Variants in ENPP6 observed in about 807,000 individuals in gnomAD.
ENPP6 encodes glycerophosphocholine cholinephosphodiesterase ENPP6.
Under a neutral mutation model 42.0 loss-of-function variants are expected in ENPP6, and 32 were observed. The observed-to-expected ratio is 0.76, with a 90% CI of 0.58 to 1.02. The LOEUF (loss-of-function observed/expected upper bound fraction) is 1.02, where lower values mean the gene tolerates loss of function less well. Among genes scored for constraint, ENPP6 ranks in the 50% least tolerant of loss-of-function variants. ENPP6 has a pLI of 0.00. For synonymous variants in ENPP6, 213 were observed against 216.0 expected, an observed-to-expected ratio of 0.99 and a Z score of 0.12; for missense variants, 552 against 566.8, an observed-to-expected ratio of 0.97 and a Z score of 0.27.
chr4:184,097,390 A>C, intron 6 of ENPP6, 22 bp from the exon 7 acceptor site: 1 of 1,613,502 alleles, frequency 6.2e-7, no homozygotes. Flanking sequence ...CAAGGCAGAC[A>C]CATGACACTA....
chr4:184,157,743 G>A (rs1376661264), intron 1 of ENPP6, among the ~76,000 whole-genome samples: 1 of 149,520 alleles, frequency 6.7e-6, no homozygotes, highest in African/African-American at 2.5e-5. Context: ...AAGTAGCTGG[G>A]ACCACAGGCA....
At chr4:184,189,844 T>G (rs139426883) in intron 1 of ENPP6, among the ~76,000 whole-genome samples, 2 of 151,988 alleles carry the variant, frequency 1.3e-5, no homozygotes, top group African/African-American at 2.4e-5. Flanking sequence ...CTCCAAGAGA[T>G]GGAGAGGAGC....
chr4:184,211,624 A>G (rs1394151101), intron 1 of ENPP6, among the ~76,000 whole-genome samples: 1 of 152,224 alleles, frequency 6.6e-6, no homozygotes, highest in African/African-American at 2.4e-5. Context: ...AGAGTCCAGG[A>G]CCAGACGGAT....
intron 1 of ENPP6, among the ~76,000 whole-genome samples, chr4:184,162,352 T>C (rs912227360): frequency 6.6e-6 from 1 of 152,128 alleles, no homozygotes; most frequent in Non-Finnish European, 1.5e-5. Flanking sequence ...TGTTGGATAA[T>C]GCTCTCATCA....
intron 1 of ENPP6, among the ~76,000 whole-genome samples, chr4:184,174,155 C>T (rs1376882658): frequency 6.6e-5 from 9 of 137,130 alleles, no homozygotes; most frequent in African/African-American, 8.3e-5. Flanking sequence ...TTTTTTTTTC[C>T]GAGACGGAAT....
intron 1 of ENPP6, among the ~76,000 whole-genome samples, chr4:184,209,489 A>G (rs1415045795): frequency 6.6e-6 from 1 of 151,972 alleles, no homozygotes; most frequent in Non-Finnish European, 1.5e-5. Context: ...GGTATCAGCA[A>G]TGGAAGATGA....
chr4:184,194,933 C>T (rs1732771665), intron 1 of ENPP6, among the ~76,000 whole-genome samples: 1 of 152,126 alleles, frequency 6.6e-6, no homozygotes, highest in South Asian at 2.1e-4. Context: ...CTTTCCTAGA[C>T]CTCAGCAGGA....
intron 6 of ENPP6, among the ~76,000 whole-genome samples, chr4:184,105,053 T>A (rs1736065778): frequency 6.6e-6 from 1 of 152,206 alleles, no homozygotes; most frequent in Admixed American, 6.5e-5. Context: ...ATTCTACTGA[T>A]TATTTATTAG....
At chr4:184,198,187 T>C (rs1732833790) in intron 1 of ENPP6, among the ~76,000 whole-genome samples, 1 of 152,220 alleles carries the variant, frequency 6.6e-6, no homozygotes, top group Non-Finnish European at 1.5e-5. Context: ...TGTAGAAAGA[T>C]GGGGAACCCA....
intron 1 of ENPP6, among the ~76,000 whole-genome samples, chr4:184,163,258 G>C (rs1262482423): frequency 2.6e-5 from 4 of 152,180 alleles, no homozygotes; most frequent in Non-Finnish European, 5.9e-5. Flanking sequence ...ACCTCAGGCG[G>C]CCTCCTAGTC....
Position 184,153,578 on chromosome 4 carries a change from T to G in ENPP6, c.397A>C (p.Lys133Gln), listed in dbSNP as rs776107487. Residue 133 changes from lysine (K) to glutamine (Q), a missense_variant, in exon 2 of 8, where the codon AAG (lysine) becomes CAG (glutamine). This residue lies in a region of ENPP6 where 545 missense variants were observed against 546.3 expected (regional missense o/e 1.00). Coordinates refer to ENST00000296741, the MANE Select transcript of ENPP6 (RefSeq NM_153343.4). Reference sequence around the variant, plus strand: ...CCTGGCCAGTAGTACATGTAGACCTTCCTTTTGGCCTTGGTCAGAGTGACC... The same window carrying G: ...CCTGGCCAGTAGTACATGTAGACCTGCCTTTTGGCCTTGGTCAGAGTGACC... The part of the protein sequence containing the change: ...LWVTLTKAKR[K>Q]VYMYYWPGCE... The G allele has an allele frequency of 2.4e-5, 38 of 1,614,066 alleles. No individual in the cohort carries two copies. In the Middle Eastern group the frequency reaches 6.6e-4, roughly 28 times the overall value.
chr4:184,191,093 C>G (rs1030502730), intron 1 of ENPP6, among the ~76,000 whole-genome samples: 47 of 152,334 alleles, frequency 3.1e-4, no homozygotes, highest in Non-Finnish European at 5.9e-4. Flanking sequence ...AGATCACTGT[C>G]TAAGGGAGAG....
chr4:184,129,698 G>A (rs1736563550), intron 2 of ENPP6, among the ~76,000 whole-genome samples: 1 of 152,110 alleles, frequency 6.6e-6, no homozygotes, highest in Non-Finnish European at 1.5e-5. Context: ...TGATAATAGA[G>A]GTATGGTTAA....
chr4:184,162,243 T>G (rs1263229904), intron 1 of ENPP6, among the ~76,000 whole-genome samples: 6 of 152,164 alleles, frequency 3.9e-5, no homozygotes, highest in Admixed American at 2.0e-4. Flanking sequence ...CCTCCAGTGT[T>G]CTTGTTCAAC....
chr4:184,175,788 C>T (rs773523577), intron 1 of ENPP6, among the ~76,000 whole-genome samples: 1 of 152,140 alleles, frequency 6.6e-6, no homozygotes. Flanking sequence ...GAGAGCCTGG[C>T]CATTAGAGGA....
At chr4:184,180,062 A>T (rs547210650) in intron 1 of ENPP6, among the ~76,000 whole-genome samples, 1 of 150,906 alleles carries the variant, frequency 6.6e-6, no homozygotes, top group South Asian at 2.1e-4. Flanking sequence ...AAATCCCTTC[A>T]AAAAATCAAC....
intron 7 of ENPP6, 108 bp downstream of exon 7, chr4:184,097,137 G>C: frequency 6.6e-7 from 1 of 1,508,782 alleles, no homozygotes; most frequent in Non-Finnish European, 9.0e-7. Flanking sequence ...GGCTCATAAA[G>C]AGGGTCTGTA....
At chr4:184,128,687 TAAA>T (rs1331841981) in intron 2 of ENPP6, among the ~76,000 whole-genome samples, 3 of 151,570 alleles carry the variant, frequency 2.0e-5, no homozygotes, top group African/African-American at 7.3e-5. Flanking sequence ...GTTCAAGACA[TAAA>T]GAATAAATAC....
intron 4 of ENPP6, 54 bp downstream of exon 4, chr4:184,117,705 C>T (rs1736342899): frequency 1.3e-6 from 2 of 1,599,902 alleles, no homozygotes; most frequent in South Asian, 2.2e-5. Flanking sequence ...GTGGAGGAGA[C>T]AAACAGAGGG....
Sources: allele counts gnomAD v4.1 joint callset (sites outside exome capture counted in the v4.1 genomes callset), GRCh38; gene constraint gnomAD v4.1.1; regional missense constraint gnomAD v4.1.1; transcripts MANE v1.5; gene names NCBI Gene and HGNC (gene_info 2026-07-23, HGNC 2026-07-21).